Variants in SH3TC1 observed in about 807,000 individuals in gnomAD.
The protein encoded by SH3TC1 is SH3 domain and tetratricopeptide repeat-containing protein 1.
SH3TC1 carries 135 observed loss-of-function variants against 117.3 expected under a neutral mutation model. The ratio of observed to expected loss-of-function variants is 1.15; its 90% CI spans 1.00 to 1.33. The LOEUF (loss-of-function observed/expected upper bound fraction) is 1.33, where lower values mean the gene tolerates loss of function less well. Ranked by LOEUF, SH3TC1 falls within the 40% of genes most tolerant of loss-of-function variation. The pLI, the probability that SH3TC1 is intolerant of heterozygous loss-of-function variation, is 0.00. For synonymous variants in SH3TC1, 898 were observed against 816.9 expected (o/e 1.10, Z -1.69); for missense variants, 2,092 against 1,794.3 (o/e 1.17, Z -3.00).
At position 8,227,957 on chromosome 4, in the gene SH3TC1, G is replaced by A. The variant is rs1554137220; in HGVS notation, c.2263G>A (p.Ala755Thr). The A allele has an allele frequency of 2.5e-6, 4 of 1,612,248 alleles. No individual in the cohort carries two copies. Among genetic ancestry groups the A allele is most frequent in the African/African-American group, 2.7e-5 (2 of 74,994 alleles). Residue 755 changes from alanine (A) to threonine (T), a missense_variant, in exon 12 of 18, where the codon GCC (alanine) becomes ACC (threonine). Transcript: ENST00000245105. Reference sequence around the variant, plus strand: ...GAGTGTGAACCTGGTGCTCCAGAACGCCCCCCAGCCCCACAGCCTCCCTGC... The same window carrying A: ...GAGTGTGAACCTGGTGCTCCAGAACACCCCCCAGCCCCACAGCCTCCCTGC... ...LRSVNLVLQN[A>T]PQPHSLPAQT...
At chr4:8,200,643 G>A (rs1035388279) in intron 1 of SH3TC1, among the ~76,000 whole-genome samples, 5 of 152,222 alleles carry the variant, frequency 3.3e-5, no homozygotes, top group South Asian at 2.1e-4. Context: ...GCCCAGCAGC[G>A]CACGGGTGCG....
intron 1 of SH3TC1, among the ~76,000 whole-genome samples, chr4:8,191,779 T>C (rs1307187509): frequency 6.6e-6 from 1 of 152,006 alleles, no homozygotes; most frequent in Non-Finnish European, 1.5e-5. Flanking sequence ...TGATAATGCC[T>C]TGGGAGGTGT....
intron 4 of SH3TC1, 80 bp downstream of exon 4, chr4:8,212,908 C>A: frequency 6.8e-7 from 1 of 1,468,636 alleles, no homozygotes; most frequent in Non-Finnish European, 9.1e-7. Context: ...GTGTCTGAGA[C>A]TGGGGACACA....
intron 17 of SH3TC1, among the ~76,000 whole-genome samples, chr4:8,238,646 C>T (rs531066412): frequency 1.3e-5 from 2 of 152,170 alleles, no homozygotes; most frequent in South Asian, 2.1e-4. Context: ...TGGTCAGAAG[C>T]GGTCCCTGTG....
intron 1 of SH3TC1, among the ~76,000 whole-genome samples, chr4:8,204,316 C>T (rs1718024770): frequency 6.6e-6 from 1 of 152,180 alleles, no homozygotes; most frequent in African/African-American, 2.4e-5. Flanking sequence ...ATTTCTTCCC[C>T]ACCTCACATT....
At position 8,192,447 on chromosome 4, in the gene SH3TC1, C is replaced by CTTTAT. The variant is rs376174704; in HGVS notation, c.-57+10285_-57+10289dup. On this transcript the variant is annotated intron_variant, in intron 1 of 16. Coordinates refer to the SH3TC1 transcript ENST00000508641. The surrounding 1 kb of genome is among the most constrained non-coding windows in gnomAD (Gnocchi z 4.1). Reference sequence around the variant, plus strand: ...ACAATCTTCTTATCCAACCACTTGTCTTTATTTTATTTTATTTTATTTTAT... The same window carrying CTTTAT: ...ACAATCTTCTTATCCAACCACTTGTCTTTATTTTATTTTATTTTATTTTATTTTAT... Among the ~76,000 whole-genome samples the CTTTAT allele has an allele frequency of 0.074, 10,294 of 138,374 alleles. 470 individuals carry two copies. The highest frequency in any genetic ancestry group is 0.11 in the East Asian group (526 of 4,896). The allele number at this position is 138,374 out of a possible 152,430, so 90.8% of individuals were successfully genotyped here.
In SH3TC1 at chr4:8,222,361, G is replaced by GT. The variant is rs5856006; in HGVS notation, c.1113-449dup. Reference sequence around the variant, plus strand: ...AGGCACCCCTTGAGGTCAGGATCTGGTTTTTTTTTTTTTTTTTTTTTTTTT... The same window carrying GT: ...AGGCACCCCTTGAGGTCAGGATCTGGTTTTTTTTTTTTTTTTTTTTTTTTTT... On this transcript the variant is annotated intron_variant, in intron 9 of 17. Transcript: ENST00000245105. 3.2e-3 allele frequency among the ~76,000 whole-genome samples: 128 copies of GT among 40,320 alleles called. 16 individuals are homozygous for GT. The highest frequency in any genetic ancestry group is 9.2e-3 in the African/African-American group (92 of 10,042). The allele number at this position is 40,320 out of a possible 152,430, so 26.5% of individuals were successfully genotyped here.
At chr4:8,214,247 C>T (rs931984826) in intron 4 of SH3TC1, among the ~76,000 whole-genome samples, 3 of 151,988 alleles carry the variant, frequency 2.0e-5, no homozygotes, top group Admixed American at 6.5e-5. Context: ...ATGGGGGCCA[C>T]GTGAGCTCTG....
intron 1 of SH3TC1, among the ~76,000 whole-genome samples, chr4:8,194,200 C>T (rs919392928): frequency 1.3e-5 from 2 of 152,060 alleles, no homozygotes; most frequent in African/African-American, 4.8e-5. Context: ...TTGGTGGTGG[C>T]GCTAAAAAGC....
At position 8,219,486 on chromosome 4, in the gene SH3TC1, G is replaced by T. The variant is rs764144865; in HGVS notation, c.1068G>T (p.Gly356=). 8 of 1,602,784 alleles carry T rather than the reference G, an allele frequency of 5.0e-6. No individual in the cohort carries two copies. In the African/African-American group the frequency reaches 9.4e-5, roughly 19 times the overall value. Residue 356 remains glycine, a synonymous_variant, in exon 9 of 18, where the codon GGG becomes GGT. Transcript: ENST00000245105. ...VGRHAASGRV[G]FVRSSLISMQ... is the part of the protein sequence containing the mutation. ...GACACGCAGCCTCGGGCCGGGTGGG[G>T]TTTGTGCGGAGCAGCCTCATCAGCA...
chr4:8,203,975 C>A (rs1419235611), intron 1 of SH3TC1, among the ~76,000 whole-genome samples: 6 of 152,196 alleles, frequency 3.9e-5, no homozygotes, highest in African/African-American at 1.4e-4. Flanking sequence ...AGCTGGAAGG[C>A]CCCAGCCTCG....
At chr4:8,193,401 G>GCCCAC (rs1717473140) in intron 1 of SH3TC1, among the ~76,000 whole-genome samples, 4 of 152,122 alleles carry the variant, frequency 2.6e-5, no homozygotes, top group Non-Finnish European at 5.9e-5. Context: ...GTGGCTGTGG[G>GCCCAC]AGCCACTTCA....
rs780987786 is a variant in SH3TC1 at position 8,240,779 on chromosome 4, A to T, written c.3835A>T (p.Ile1279Phe). ...DLGNKKAQLKIYTRLATIYHN... is the reference protein window; with the variant it reads ...DLGNKKAQLKFYTRLATIYHN... Reference sequence around the variant, plus strand: ...GGGCAACAAGAAGGCACAGCTGAAGATCTACACGCGGCTGGCCACCATCTA... The same window carrying T: ...GGGCAACAAGAAGGCACAGCTGAAGTTCTACACGCGGCTGGCCACCATCTA... Residue 1279 changes from isoleucine (I) to phenylalanine (F), a missense_variant, in exon 18 of 18, where the codon ATC (isoleucine) becomes TTC (phenylalanine). Transcript: ENST00000245105. 2.5e-6 allele frequency: 4 copies of T among 1,614,080 alleles called. No homozygotes were observed. Among genetic ancestry groups the T allele is most frequent in the Non-Finnish European group, 3.4e-6 (4 of 1,180,028 alleles).
At position 8,183,524 on chromosome 4, in the gene SH3TC1, G is replaced by A. The variant is rs992513907; in HGVS notation, c.-57+1314G>A. ...CGGCTCCAGGCTTGGCTGGGATCCCGCAGTGACGCTTGGGTGTCTTTGGGC... is the reference window on the plus strand; with the variant it reads ...CGGCTCCAGGCTTGGCTGGGATCCCACAGTGACGCTTGGGTGTCTTTGGGC... On this transcript the variant is annotated intron_variant, in intron 1 of 16. Coordinates refer to the SH3TC1 transcript ENST00000508641. The surrounding 1 kb of genome is among the most constrained non-coding windows in gnomAD (Gnocchi z 5.4). 3.3e-5 allele frequency among the ~76,000 whole-genome samples: 5 copies of A among 152,232 alleles called. No homozygotes were observed. Among genetic ancestry groups the A allele is most frequent in the African/African-American group, 4.8e-5 (2 of 41,458 alleles).
Position 8,186,099 on chromosome 4 carries a change from G to A in SH3TC1, c.-57+3889G>A, listed in dbSNP as rs1309783921. Among the ~76,000 whole-genome samples, 1 of 152,194 alleles carries A rather than the reference G, an allele frequency of 6.6e-6. No individual in the cohort carries two copies. Among genetic ancestry groups the A allele is most frequent in the Non-Finnish European group, 1.5e-5 (1 of 68,034 alleles). ...CTCGCTGTTTTACTGTGGAGTTGTC[G>A]ATTTTTTCCTCTGGTGCTTGAAGTG... On this transcript the variant is annotated intron_variant, in intron 1 of 16. Coordinates refer to the SH3TC1 transcript ENST00000508641. The surrounding 1 kb of genome is among the most constrained non-coding windows in gnomAD (Gnocchi z 5.2).
intron 17 of SH3TC1, 25 bp from the exon 18 acceptor site, chr4:8,240,673 G>C (rs1457098947): frequency 6.2e-7 from 1 of 1,612,906 alleles, no homozygotes; most frequent in Non-Finnish European, 8.5e-7. Flanking sequence ...TCCCCCTTTT[G>C]CTGAGCATGG....
Position 8,225,244 on chromosome 4 carries a change from C to T in SH3TC1, c.1285+28C>T, listed in dbSNP as rs1377116120. 6.2e-7 allele frequency: 1 copy of T among 1,609,030 alleles called. No homozygotes were observed. The highest frequency in any genetic ancestry group is 1.7e-5 in the Admixed American group (1 of 59,132). ...GGGTTTTGCCAGTGGCTCAGGCTTC[C>T]TCTGGTTATGAGCTGGGCCTTGGGG... On this transcript the variant is annotated intron_variant, in intron 11 of 17. Coordinates refer to ENST00000245105, the MANE Select transcript of SH3TC1 (RefSeq NM_018986.5). This position sits in a 1 kb window ranked among gnomAD's most constrained non-coding sequence, Gnocchi z 5.5.
At chr4:8,197,170 G>A (rs146702126), upstream of SH3TC1, among the ~76,000 whole-genome samples, 644 of 152,272 alleles carry the variant, frequency 4.2e-3, 1 homozygote, top group African/African-American at 0.015. Context: ...GTGGAGACAA[G>A]GGCAAAGACT....
chr4:8,225,328 C>A lies in SH3TC1; in HGVS notation c.1285+112C>A. On this transcript the variant is annotated intron_variant, in intron 11 of 17. Coordinates refer to ENST00000245105, the MANE Select transcript of SH3TC1 (RefSeq NM_018986.5). This position sits in a 1 kb window ranked among gnomAD's most constrained non-coding sequence, Gnocchi z 5.5. ...TGGGCATTGGGTGCGGCTGTCACCC[C>A]TCTGTGGTGTGGGCTGGGGGCTTGG... The A allele has an allele frequency of 8.2e-7, 1 of 1,224,418 alleles. No homozygotes were observed. Among genetic ancestry groups the A allele is most frequent in the Non-Finnish European group, 1.2e-6 (1 of 858,670 alleles). 75.8% of individuals were successfully genotyped at this position (1,224,418 alleles called of 1,614,324 possible). A position where few individuals can be genotyped will look rare whatever the true frequency, so the allele number is the denominator to read the frequency against.
Sources: allele counts gnomAD v4.1 joint callset (sites outside exome capture counted in the v4.1 genomes callset), GRCh38; gene constraint gnomAD v4.1.1; non-coding constraint Gnocchi (gnomAD v3.1); transcripts MANE v1.5; gene names NCBI Gene and HGNC (gene_info 2026-07-23, HGNC 2026-07-21).